Variants in TFE3 observed in about 807,000 individuals in gnomAD.
TFE3 encodes transcription factor binding to IGHM enhancer 3.
A neutral mutation model predicts 35.0 loss-of-function variants in TFE3; 5 were observed. The observed-to-expected ratio is 0.14, with a 90% CI of 0.07 to 0.30. TFE3 has a LOEUF of 0.30. Ranked by LOEUF, TFE3 falls within the 10% of genes least tolerant of loss-of-function variation. The probability of loss-of-function intolerance (pLI) is 1.00; values close to 1 mark genes in which losing one functional copy is unlikely to be tolerated. For missense variants in TFE3, 374 were observed against 496.6 expected, an observed-to-expected ratio of 0.75 and a Z score of 2.35; for synonymous variants, 211 against 215.6, an observed-to-expected ratio of 0.98 and a Z score of 0.18.
Position 49,034,145 on chromosome X carries a change from C to T in TFE3, c.992G>A (p.Arg331Gln), listed in dbSNP as rs782188306. The T allele has an allele frequency of 4.1e-6, 5 of 1,207,784 alleles. No individual in the cohort carries two copies. The highest frequency in any genetic ancestry group is 2.2e-5 in the Admixed American group (1 of 45,778). Residue 331 changes from arginine (R) to glutamine (Q), a missense_variant, in exon 6 of 10, where the codon CGG (arginine) becomes CAG (glutamine). Physicochemically the swap from Arg to Gln is conservative, Grantham distance 43. Around this residue, in one of 3 missense-constraint regions of TFE3, gnomAD observed 167 missense variants for 297.2 expected, o/e 0.56. Coordinates refer to ENST00000315869, the MANE Select transcript of TFE3 (RefSeq NM_006521.6). ...SCPAELPNIK[R>Q]EISETEAKAL... ...ACCCTATCACCTACCAGAGATCTCC[C>T]GTTTGATGTTGGGCAGCTCAGCTGG...
Position 49,039,320 on chromosome X carries a change from C to T in TFE3, c.321G>A (p.Ser107=), listed in dbSNP as rs782631288. The part of the protein sequence containing the change: ...SAGGSRTPAM[S]SSSSSRVLLR... ...GCAAGACCCTCGATGAAGAAGATGA[C>T]GACATGGCAGGGGTCCTGGAGCCCC... The change falls in exon 3 of 10, where the codon TCG becomes TCA. Residue 107 remains serine, a synonymous_variant. Coordinates refer to ENST00000315869, the MANE Select transcript of TFE3 (RefSeq NM_006521.6). 1.1e-5 allele frequency: 13 copies of T among 1,205,391 alleles called. No homozygotes were observed. In the East Asian group the frequency reaches 1.2e-4, roughly 11 times the overall value.
At chrX:49,042,973 G>C (rs1325459530) in intron 1 of TFE3, 138 bp downstream of exon 1, 2 of 435,746 alleles carry the variant, frequency 4.6e-6, no homozygotes, top group South Asian at 4.2e-5. Context: ...TTCCTTAGGT[G>C]CCCCCCCAAG....
intron 8 of TFE3, among the ~76,000 whole-genome samples, chrX:49,032,304 G>A (rs938982421): frequency 1.2e-4 from 13 of 110,825 alleles, no homozygotes; most frequent in Non-Finnish European, 2.5e-4. Flanking sequence ...GCACAATCTT[G>A]GCTCACTACA....
intron 7 of TFE3, 69 bp downstream of exon 7, chrX:49,033,657 G>A: frequency 8.4e-7 from 1 of 1,187,787 alleles, no homozygotes; most frequent in Admixed American, 2.2e-5. Context: ...AGTTCCCCAT[G>A]GGGGGCCAGG....
Position 49,034,174 on chromosome X carries a change from G to A in TFE3, c.963C>T (p.Ser321=). 3 of 1,211,246 alleles carry A rather than the reference G, an allele frequency of 2.5e-6. No individual in the cohort carries two copies. Among genetic ancestry groups the A allele is most frequent in the Non-Finnish European group, 3.4e-6 (3 of 894,968 alleles). The stretch of plus-strand genomic sequence containing the variant: ...TGATGTTGGGCAGCTCAGCTGGGCA[G>A]GAGTTGCTGACAGTGATGGCTGGTG... ...VATPAITVSN[S]CPAELPNIKR... The change falls in exon 6 of 10, where the codon TCC becomes TCT. Residue 321 remains serine, a synonymous_variant. Coordinates refer to ENST00000315869, the MANE Select transcript of TFE3 (RefSeq NM_006521.6).
At position 49,030,453 on chromosome X, in the gene TFE3, T is replaced by C; in HGVS notation, c.1433A>G (p.His478Arg). The C allele has an allele frequency of 8.3e-7, 1 of 1,211,349 alleles. No homozygotes were observed. The highest frequency in any genetic ancestry group is 1.1e-6 in the Non-Finnish European group (1 of 895,360). ...EEGRPGAATFHVGGGPAQNAP... is the reference protein window; with the variant it reads ...EEGRPGAATFRVGGGPAQNAP... ...ATTCTGGGCAGGTCCCCCCCCTACA[T>C]GGAACGTTGCTGCGCCTGGCCTGCC... The change falls in exon 10 of 10, where the codon CAT (histidine) becomes CGT (arginine). Residue 478 changes from histidine (H) to arginine (R), a missense_variant. His to Arg is a conservative substitution (Grantham distance 29, BLOSUM62 0). Coordinates refer to ENST00000315869, the MANE Select transcript of TFE3 (RefSeq NM_006521.6).
At position 49,037,857 on chromosome X, in the gene TFE3, T is replaced by C. The variant is rs149375412; in HGVS notation, c.885+153A>G. On this transcript the variant is annotated intron_variant, in intron 5 of 9. Coordinates refer to ENST00000315869, the MANE Select transcript of TFE3 (RefSeq NM_006521.6). ...ACAGTCCAACAAGGTCCAAAGGCAT[T>C]GTTGACATACCCTGTTCTCGTCATA... The C allele has an allele frequency of 5.5e-3, 2,682 of 487,054 alleles. 47 individuals are homozygous for C. The African/African-American group carries it at 0.057, about 10-fold the overall frequency. 40.1% of individuals were successfully genotyped at this position (487,054 alleles called of 1,213,427 possible).
Position 49,028,760 on chromosome X carries a change from G to A in TFE3, c.*1398C>T, listed in dbSNP as rs2064681304. ...GTTAAAAGCGCATCAAACACGCCTA[G>A]CTTTTATTATTTTAATCACAAACCT... On this transcript the variant is annotated 3_prime_UTR_variant, in exon 10 of 10. Transcript: ENST00000315869. 6.1e-6 allele frequency: 1 copy of A among 163,837 alleles called. No homozygotes were observed. The allele number at this position is 163,837 out of a possible 1,213,427, so 13.5% of individuals were successfully genotyped here. A position where few individuals can be genotyped will look rare whatever the true frequency, so the allele number is the denominator to read the frequency against.
Position 49,034,239 on chromosome X carries a change from C to A in TFE3, c.898G>T (p.Gly300Trp). Residue 300 changes from glycine (G) to tryptophan (W), a missense_variant, in exon 6 of 10, where the codon GGG becomes TGG. By Grantham distance (184) the Gly-to-Trp change is radical (BLOSUM62 -2). Coordinates refer to ENST00000315869, the MANE Select transcript of TFE3 (RefSeq NM_006521.6). ...LQLPSTLPVSGNLLDVYSSQG... is the reference protein window; with the variant it reads ...LQLPSTLPVSWNLLDVYSSQG... ...CTACTGTACACATCAAGCAGATTCCCTGACACAGGCAGCTGGGGGCAGAGA... is the reference window on the plus strand; with the variant it reads ...CTACTGTACACATCAAGCAGATTCCATGACACAGGCAGCTGGGGGCAGAGA... 8.4e-7 allele frequency: 1 copy of A among 1,192,972 alleles called. No homozygotes were observed. Among genetic ancestry groups the A allele is most frequent in the Non-Finnish European group, 1.1e-6 (1 of 883,439 alleles).
intron 6 of TFE3, 100 bp downstream of exon 6, chrX:49,034,034 A>C (rs782793485): frequency 7.7e-6 from 6 of 778,932 alleles, no homozygotes; most frequent in Non-Finnish European, 9.8e-6. Flanking sequence ...CATATGTCCA[A>C]ACCATTCCCC....
chrX:49,033,765 G>C lies in TFE3; in HGVS notation c.1021C>G (p.Leu341Val). 8.3e-7 allele frequency: 1 copy of C among 1,211,832 alleles called. No individual in the cohort carries two copies. The highest frequency in any genetic ancestry group is 1.1e-6 in the Non-Finnish European group (1 of 895,519). ...REISETEAKA[L>V]LKERQKKDNH... Reference sequence around the variant, plus strand: ...TCTTTCTTCTGCCGTTCCTTCAAAAGGGCCTTTGCCTCGGTCTCTGGAAAA... The same window carrying C: ...TCTTTCTTCTGCCGTTCCTTCAAAACGGCCTTTGCCTCGGTCTCTGGAAAA... Residue 341 changes from leucine (L) to valine (V), a missense_variant, in exon 7 of 10, where the codon CTT (leucine) becomes GTT (valine). By Grantham distance (32) the Leu-to-Val change is conservative (BLOSUM62 1). Transcript: ENST00000315869.
chrX:49,039,654 G>A (rs782127012), intron 2 of TFE3: 60 of 335,194 alleles, frequency 1.8e-4, no homozygotes, highest in Non-Finnish European at 2.9e-4. Flanking sequence ...TCCTTATGGT[G>A]AAGCCTAGAT....
chrX:49,031,153 G>A (rs1251091297), intron 9 of TFE3, among the ~76,000 whole-genome samples: 1 of 111,841 alleles, frequency 8.9e-6, no homozygotes, highest in Non-Finnish European at 1.9e-5. Flanking sequence ...GAATAAGTTA[G>A]TGGATATAAA....
At chrX:49,034,907 G>C (rs1369248603) in intron 5 of TFE3, among the ~76,000 whole-genome samples, 1 of 111,024 alleles carries the variant, frequency 9.0e-6, no homozygotes, top group Non-Finnish European at 1.9e-5. Context: ...GTTCTCTCAG[G>C]AGATTCTTAT....
chrX:49,038,142 G>A, intron 4 of TFE3, 28 bp from the exon 5 acceptor site: 1 of 1,211,614 alleles, frequency 8.3e-7, no homozygotes, highest in Non-Finnish European at 1.1e-6. Context: ...TATTATACAG[G>A]TTTAGAAGAA....
chrX:49,037,763 G>T (rs2064738571), intron 5 of TFE3: 1 of 309,492 alleles, frequency 3.2e-6, no homozygotes, highest in East Asian at 5.7e-5. Context: ...CAAGCACTTT[G>T]ATATGCCCTA....
At position 49,039,342 on chromosome X, in the gene TFE3, C is replaced by A. The variant is rs2064748036; in HGVS notation, c.299G>T (p.Gly100Val). ...TGACGACATGGCAGGGGTCCTGGAG[C>A]CCCCTGCAGAAGACGATGCAGAGAG... is the stretch of plus-strand genomic sequence containing the variant. ...ATLSASSSAGGSRTPAMSSSS... is the reference protein window; with the variant it reads ...ATLSASSSAGVSRTPAMSSSS... The change falls in exon 3 of 10, where the codon GGC becomes GTC. Residue 100 changes from glycine to valine, a missense_variant. Transcript: ENST00000315869. The A allele has an allele frequency of 8.3e-7, 1 of 1,206,906 alleles. No homozygotes were observed. The highest frequency in any genetic ancestry group is 1.1e-6 in the Non-Finnish European group (1 of 892,951).
chrX:49,030,861 G>A (rs1160233345), intron 9 of TFE3, among the ~76,000 whole-genome samples: 1 of 111,137 alleles, frequency 9.0e-6, no homozygotes, highest in African/African-American at 3.3e-5. Flanking sequence ...GAGGCAGGTG[G>A]ATCACCTGAG....
At chrX:49,042,437 C>T (rs1043130408) in intron 1 of TFE3, among the ~76,000 whole-genome samples, 7 of 111,391 alleles carry the variant, frequency 6.3e-5, no homozygotes, top group Admixed American at 5.7e-4. Context: ...GGCTTTTCCA[C>T]TATCCTTGGG....
Sources: gnomAD v4.1 joint callset for allele counts (sites outside exome capture counted in the v4.1 genomes callset) on GRCh38, gnomAD v4.1.1 for gene constraint, gnomAD v4.1.1 regional missense constraint, MANE v1.5 for transcripts, NCBI Gene and HGNC (gene_info 2026-07-23, HGNC 2026-07-21) for gene names.